Variants in MSH4 observed in about 807,000 individuals in gnomAD.
The protein encoded by MSH4 is mutS homolog 4, also known as mutS protein homolog 4.
MSH4 carries 106 observed loss-of-function variants against 113.7 expected under a neutral mutation model. The ratio of observed to expected loss-of-function variants is 0.93; its 90% CI spans 0.80 to 1.10. The LOEUF is 1.10. Among genes scored for constraint, MSH4 ranks in the 50% least tolerant of loss-of-function variants. The pLI is 0.00. For synonymous variants in MSH4, 368 were observed against 380.2 expected (o/e 0.97, Z 0.37); for missense variants, 1,061 against 1,093.7 (o/e 0.97, Z 0.42).
At chr1:75,857,184 G>A (rs1435459211) in intron 8 of MSH4, among the ~76,000 whole-genome samples, 2 of 152,112 alleles carry the variant, frequency 1.3e-5, no homozygotes, top group Non-Finnish European at 2.9e-5. Context: ...GATTCTGGAT[G>A]TTAGCCTTTT....
Position 75,883,617 on chromosome 1 carries a change from T to G in MSH4, c.1907-4T>G, listed in dbSNP as rs1651982494. ...TTAAAAACCATTCTATTTTTTTTCT[T>G]AAGTTCGACCAGAATTTACTGATAC... On this transcript the variant is annotated splice_polypyrimidine_tract_variant and splice_region_variant and intron_variant, in intron 14 of 19. Coordinates refer to ENST00000263187, the MANE Select transcript of MSH4 (RefSeq NM_002440.4). 6.2e-7 allele frequency: 1 copy of G among 1,604,534 alleles called. No individual in the cohort carries two copies. The highest frequency in any genetic ancestry group is 1.7e-5 in the Admixed American group (1 of 57,800).
At position 75,899,657 on chromosome 1, in the gene MSH4, T is replaced by G. The variant is rs774674943; in HGVS notation, c.2570T>G (p.Ile857Ser). Residue 857 changes from isoleucine (I) to serine (S), a missense_variant, in exon 19 of 20, where the codon ATT becomes AGT. Coordinates refer to ENST00000263187, the MANE Select transcript of MSH4 (RefSeq NM_002440.4). ...GAGGTGTCATCACTTCCACCATCAA[T>G]TGTCTTGGATGCCAAGGAAATCACA... ...AAEVSSLPPS[I>S]VLDAKEITTQ... The G allele has an allele frequency of 6.6e-7, 1 of 1,515,270 alleles. No homozygotes were observed. Among genetic ancestry groups the G allele is most frequent in the East Asian group, 2.6e-5 (1 of 38,626 alleles). The allele number at this position is 1,515,270 out of a possible 1,614,324, so 93.9% of individuals were successfully genotyped here.
intron 19 of MSH4, among the ~76,000 whole-genome samples, chr1:75,908,066 G>GT (rs1256308861): frequency 6.7e-6 from 1 of 148,356 alleles, no homozygotes; most frequent in Non-Finnish European, 1.5e-5. Flanking sequence ...AGCCTCTGTA[G>GT]TTTTTTTAAG....
chr1:75,805,885 C>G (rs1265134839), intron 2 of MSH4, among the ~76,000 whole-genome samples: 1 of 151,590 alleles, frequency 6.6e-6, no homozygotes, highest in Non-Finnish European at 1.5e-5. Flanking sequence ...TTAAATTAGC[C>G]AATAATCATT....
chr1:75,901,105 T>C (rs2100590708), intron 19 of MSH4, among the ~76,000 whole-genome samples: 1 of 152,282 alleles, frequency 6.6e-6, no homozygotes, highest in South Asian at 2.1e-4. Context: ...TGTGTAATGA[T>C]CAAATCAGGG....
chr1:75,829,347 C>T (rs1412827249), intron 7 of MSH4, among the ~76,000 whole-genome samples: 3 of 152,196 alleles, frequency 2.0e-5, no homozygotes, highest in Non-Finnish European at 2.9e-5. Flanking sequence ...TCTGTAGACT[C>T]CACCTCTAGG....
At chr1:75,802,028 G>A (rs1407270648) in intron 1 of MSH4, among the ~76,000 whole-genome samples, 1 of 152,052 alleles carries the variant, frequency 6.6e-6, no homozygotes, top group East Asian at 1.9e-4. Context: ...AATTAGCCTG[G>A]CATGGTGGCA....
At chr1:75,896,247 C>T (rs1380102278) in intron 17 of MSH4, among the ~76,000 whole-genome samples, 1 of 151,990 alleles carries the variant, frequency 6.6e-6, no homozygotes, top group Non-Finnish European at 1.5e-5. Flanking sequence ...TCCATCAACT[C>T]TCTTGGGTCT....
intron 8 of MSH4, among the ~76,000 whole-genome samples, chr1:75,861,242 G>A (rs796989169): frequency 2.0e-4 from 30 of 152,150 alleles, no homozygotes; most frequent in African/African-American, 7.0e-4. Context: ...TGTTATTACC[G>A]ACCTTCTGAA....
intron 8 of MSH4, among the ~76,000 whole-genome samples, chr1:75,864,990 A>G (rs910555883): frequency 6.6e-6 from 1 of 152,078 alleles, no homozygotes; most frequent in African/African-American, 2.4e-5. Flanking sequence ...GAGTTGATGA[A>G]TAAATACCCC....
At chr1:75,842,617 T>G (rs1650984110) in intron 7 of MSH4, among the ~76,000 whole-genome samples, 1 of 152,162 alleles carries the variant, frequency 6.6e-6, no homozygotes, top group Non-Finnish European at 1.5e-5. Context: ...AGATAGGAGC[T>G]GAGGAGACAC....
intron 2 of MSH4, among the ~76,000 whole-genome samples, chr1:75,804,298 A>ATAGGTTTTTATCT: frequency 6.6e-6 from 1 of 152,194 alleles, no homozygotes; most frequent in East Asian, 1.9e-4. Context: ...TAGATAGATA[A>ATAGGTTTTTATCT]AATAGGTTTT....
At chr1:75,848,499 C>G (rs913883414) in intron 8 of MSH4, among the ~76,000 whole-genome samples, 1 of 152,124 alleles carries the variant, frequency 6.6e-6, no homozygotes, top group African/African-American at 2.4e-5. Context: ...GTGGCTCATG[C>G]CTATAATCCC....
At chr1:75,798,993 TAGA>T (rs1230048882) in intron 1 of MSH4, among the ~76,000 whole-genome samples, 1 of 152,216 alleles carries the variant, frequency 6.6e-6, no homozygotes, top group Non-Finnish European at 1.5e-5. Context: ...TCAAACTCTC[TAGA>T]AGGATAGCCA....
chr1:75,802,405 TA>T (rs1301762301), intron 1 of MSH4, among the ~76,000 whole-genome samples: 1 of 152,144 alleles, frequency 6.6e-6, no homozygotes, highest in Non-Finnish European at 1.5e-5. Context: ...CAAAGGAAAC[TA>T]AAAGTGGTTT....
chr1:75,885,889 T>C (rs554889461), intron 15 of MSH4, among the ~76,000 whole-genome samples: 22 of 128,630 alleles, frequency 1.7e-4, no homozygotes, highest in African/African-American at 6.0e-4. Context: ...GTATATATTA[T>C]ATATGATGTA....
At chr1:75,896,081 AG>A (rs1652373805) in intron 17 of MSH4, among the ~76,000 whole-genome samples, 1 of 152,094 alleles carries the variant, frequency 6.6e-6, no homozygotes, top group Non-Finnish European at 1.5e-5. Flanking sequence ...ATAAATTGAA[AG>A]CCTGAATAGA....
Position 75,796,950 on chromosome 1 carries a change from A to G in MSH4, c.-36A>G. 6.2e-7 allele frequency: 1 copy of G among 1,610,074 alleles called. No individual in the cohort carries two copies. The highest frequency in any genetic ancestry group is 8.5e-7 in the Non-Finnish European group (1 of 1,177,820). On this transcript the variant is annotated 5_prime_UTR_variant, in exon 1 of 20. Transcript: ENST00000263187. ...GGGCTACTGGAGGGGTCGCTCAGAA[A>G]CCTCATACTTCTCGGGTCAGGGAAG...
At chr1:75,802,782 A>G (rs1257678716) in intron 1 of MSH4, among the ~76,000 whole-genome samples, 1 of 152,212 alleles carries the variant, frequency 6.6e-6, no homozygotes, top group East Asian at 1.9e-4. Flanking sequence ...GGTGATTATC[A>G]AGAAAGAAAA....
Sources: allele counts gnomAD v4.1 joint callset (sites outside exome capture counted in the v4.1 genomes callset), GRCh38; gene constraint gnomAD v4.1.1; transcripts MANE v1.5; gene names NCBI Gene and HGNC (gene_info 2026-07-23, HGNC 2026-07-21).